PSMD13: variants seen among roughly 807,000 people sequenced by gnomAD.
PSMD13 encodes the protein 26S proteasome non-ATPase regulatory subunit 13.
PSMD13 carries 8 observed loss-of-function variants against 57.4 expected under a neutral mutation model. The observed-to-expected ratio is 0.14, with a 90% confidence interval of 0.08 to 0.25. The LOEUF (loss-of-function observed/expected upper bound fraction) is 0.25. PSMD13 is among the 10% of genes least tolerant of loss of function. The probability of loss-of-function intolerance (pLI) is 1.00; values close to 1 mark genes in which losing one functional copy is unlikely to be tolerated. For missense variants in PSMD13, 400 were observed against 461.5 expected (o/e 0.87, Z 1.22); for synonymous variants, 193 against 168.2 (o/e 1.15, Z -1.14).
In PSMD13 at chr11:237,083, C is replaced by A; in HGVS notation, c.34C>A (p.Gln12Lys). 6.2e-7 allele frequency: 1 copy of A among 1,614,006 alleles called. No homozygotes were observed. Among genetic ancestry groups the A allele is most frequent in the South Asian group, 1.1e-5 (1 of 91,078 alleles). ...KDVPGFLQQS[Q>K]NSGPGQPAVW... is the part of the protein sequence containing the mutation. ...CGTACCGGGCTTCCTACAGCAGAGC[C>A]AGAACTCCGGGCCCGGGCAGCCCGC... The change falls in exon 1 of 13, where the codon CAG (glutamine) becomes AAG (lysine). Residue 12 changes from glutamine to lysine, a missense_variant. Transcript: ENST00000532097.
chr11:244,394 G>C, intron 4 of PSMD13, 32 bp from the exon 5 acceptor site: 1 of 1,602,948 alleles, frequency 6.2e-7, no homozygotes, highest in Non-Finnish European at 8.5e-7. Context: ...CCAGTCTGTT[G>C]ATGGTCCTTC....
intron 2 of PSMD13, among the ~76,000 whole-genome samples, chr11:240,101 CTTTTTTTTTT>C (rs60869932): frequency 0.013 from 654 of 51,454 alleles, 17 homozygotes; most frequent in African/African-American, 0.043. Context: ...ATGAGACCTG[CTTTTTTTTTT>C]TTTTTTTTTT....
chr11:251,797 C>A lies in PSMD13; in HGVS notation c.919-23C>A. The A allele has an allele frequency of 1.2e-6, 2 of 1,608,264 alleles. No individual in the cohort carries two copies. The highest frequency in any genetic ancestry group is 8.5e-7 in the Non-Finnish European group (1 of 1,175,436). Reference sequence around the variant, plus strand: ...GGGTGTGTCAGGCTATCTTGTCTTACACACGCCTCCCTCTCTGCACAGGTG... The same window carrying A: ...GGGTGTGTCAGGCTATCTTGTCTTAAACACGCCTCCCTCTCTGCACAGGTG... On this transcript the variant is annotated intron_variant, in intron 11 of 12. Coordinates refer to ENST00000532097, the MANE Select transcript of PSMD13 (RefSeq NM_002817.4). The surrounding 1 kb of genome is among the most constrained non-coding windows in gnomAD (Gnocchi z 4.6).
chr11:242,045 AC>A (rs1190597104), intron 2 of PSMD13, among the ~76,000 whole-genome samples: 1 of 150,868 alleles, frequency 6.6e-6, no homozygotes, highest in Non-Finnish European at 1.5e-5. Flanking sequence ...CACCTCTCTA[AC>A]CGCCCTTCAT....
intron 1 of PSMD13, among the ~76,000 whole-genome samples, chr11:237,472 C>T (rs900464726): frequency 6.6e-6 from 1 of 152,182 alleles, no homozygotes; most frequent in African/African-American, 2.4e-5. Context: ...TCAGGAGTAG[C>T]CTTTGATTTT....
At chr11:241,432 C>T (rs72865315) in intron 2 of PSMD13, among the ~76,000 whole-genome samples, 2,431 of 152,260 alleles carry the variant, frequency 0.016, 56 homozygotes, top group African/African-American at 0.05. Flanking sequence ...GCCACAGCAC[C>T]GGGACAAAAA....
chr11:245,309 T>G (rs970626143), intron 6 of PSMD13, among the ~76,000 whole-genome samples: 4 of 152,176 alleles, frequency 2.6e-5, no homozygotes, highest in Admixed American at 6.5e-5. Context: ...CCAAAACCAC[T>G]TAGGAGTAAG....
In PSMD13 at chr11:244,447, T is replaced by C; in HGVS notation, c.287T>C (p.Phe96Ser). ...CCAGATCCTAATGTGGCTCTTACTT[T>C]TCTGGAAAAGACTCGTGAGAAGGTA... is the stretch of plus-strand genomic sequence containing the variant. ...QMTDPNVALT[F>S]LEKTREKVKS... The change falls in exon 5 of 13, where the codon TTT (phenylalanine) becomes TCT (serine). Residue 96 changes from phenylalanine to serine, a missense_variant. Coordinates refer to ENST00000532097, the MANE Select transcript of PSMD13 (RefSeq NM_002817.4). 1 of 1,610,728 alleles carries C rather than the reference T, an allele frequency of 6.2e-7. No homozygotes were observed.
intron 2 of PSMD13, among the ~76,000 whole-genome samples, chr11:240,229 C>T (rs143216621): frequency 6.7e-6 from 1 of 149,576 alleles, no homozygotes; most frequent in African/African-American, 2.5e-5. Context: ...TCTGCCTCAG[C>T]GTCCCAAGTA....
intron 2 of PSMD13, among the ~76,000 whole-genome samples, chr11:242,941 G>A (rs768718663): frequency 6.6e-5 from 10 of 152,052 alleles, no homozygotes; most frequent in South Asian, 4.2e-4. Flanking sequence ...GACTACAGGC[G>A]CGCGCCACCA....
intron 2 of PSMD13, among the ~76,000 whole-genome samples, chr11:240,360 C>A (rs1278002577): frequency 6.6e-6 from 1 of 152,104 alleles, no homozygotes; most frequent in African/African-American, 2.4e-5. Flanking sequence ...GATCTGCCTG[C>A]CTTGGCCTCC....
At chr11:243,593 CA>C in intron 2 of PSMD13, 1 of 386,402 alleles carries the variant, frequency 2.6e-6, no homozygotes, top group Admixed American at 3.2e-5. Context: ...AGGATAGATA[CA>C]AATAAACCTG....
intron 2 of PSMD13, 41 bp from the exon 3 acceptor site, chr11:244,000 A>G (rs751564244): frequency 4.5e-6 from 7 of 1,572,234 alleles, no homozygotes; most frequent in Non-Finnish European, 6.1e-6. Context: ...TTGCAGAATA[A>G]AAGACATCCT....
intron 6 of PSMD13, 90 bp downstream of exon 6, chr11:244,851 T>C: frequency 9.4e-7 from 1 of 1,067,360 alleles, no homozygotes; most frequent in Non-Finnish European, 1.3e-6. Flanking sequence ...CTTTACTGTT[T>C]ATTTTAAAAC....
intron 7 of PSMD13, 92 bp from the exon 8 acceptor site, chr11:248,684 G>A: frequency 8.0e-7 from 1 of 1,243,912 alleles, no homozygotes. Context: ...TACAAACAAT[G>A]TTTTTTTACT....
rs865966187 is a variant in PSMD13 at position 246,489 on chromosome 11, A to C, written c.397-788A>C. ...GCACTACAGCTTGGGCAACAGAGCG[A>C]GACTCTGTCTCAAAAAAAAAGGGAG... On this transcript the variant is annotated intron_variant, in intron 6 of 12. Transcript: ENST00000532097. Among the ~76,000 whole-genome samples the C allele has an allele frequency of 3.9e-5, 6 of 152,200 alleles. No homozygotes were observed. The South Asian group carries it at 8.3e-4, about 21-fold the overall frequency.
rs184352748 is a variant in PSMD13, at chr11:245,974, C to T, written c.396+1213C>T. Among the ~76,000 whole-genome samples the T allele has an allele frequency of 2.6e-3, 400 of 152,248 alleles. 1 individual carries two copies. Among genetic ancestry groups the T allele is most frequent in the Non-Finnish European group, 4.6e-3 (311 of 68,014 alleles). On this transcript the variant is annotated intron_variant, in intron 6 of 12. Coordinates refer to ENST00000532097, the MANE Select transcript of PSMD13 (RefSeq NM_002817.4). ...CAGCTTAGGAAGGAATGAAGCCACA[C>T]GGCACAGTCAGGGTCCCAGTACCCT...
intron 2 of PSMD13, chr11:243,321 T>C (rs1859557116): frequency 2.6e-6 from 1 of 384,870 alleles, no homozygotes; most frequent in South Asian, 2.4e-5. Flanking sequence ...TTCCATTCTC[T>C]AGAGAACATT....
In PSMD13 at chr11:244,667, T is replaced by C; in HGVS notation, c.310-8T>C. The C allele has an allele frequency of 6.2e-7, 1 of 1,605,310 alleles. No individual in the cohort carries two copies. Among genetic ancestry groups the C allele is most frequent in the Non-Finnish European group, 8.5e-7 (1 of 1,177,382 alleles). On this transcript the variant is annotated splice_region_variant and splice_polypyrimidine_tract_variant and intron_variant, in intron 5 of 12. Transcript: ENST00000532097. Reference sequence around the variant, plus strand: ...TGAGGTTTCTTGTTTTTGTTTTTGATGTCTTAGGTGAAAAGTAGTGATGAG... The same window carrying C: ...TGAGGTTTCTTGTTTTTGTTTTTGACGTCTTAGGTGAAAAGTAGTGATGAG...
Sources: allele counts gnomAD v4.1 joint callset (sites outside exome capture counted in the v4.1 genomes callset), GRCh38; gene constraint gnomAD v4.1.1; non-coding constraint Gnocchi (gnomAD v3.1); transcripts MANE v1.5; gene names NCBI Gene and HGNC (gene_info 2026-07-23, HGNC 2026-07-21).